The following SGCZ variants were observed in gnomAD, a reference collection of about 807,000 sequenced individuals.
SGCZ encodes zeta-sarcoglycan.
SGCZ carries 40 observed loss-of-function variants against 41.3 expected under a neutral mutation model. That is an observed-to-expected ratio of 0.97 (90% confidence interval 0.75 to 1.26). The LOEUF is 1.26. Among genes scored for constraint, SGCZ ranks in the 50% most tolerant of loss-of-function variants. The pLI is 0.00. For synonymous variants in SGCZ, 206 were observed against 137.5 expected (o/e 1.50, Z -3.49); for missense variants, 552 against 369.8 (o/e 1.49, Z -4.04).
At position 14,261,966 on chromosome 8, in the gene SGCZ, A is replaced by T. The variant is rs1216564697; in HGVS notation, c.337-24287T>A. Among the ~76,000 whole-genome samples the T allele has an allele frequency of 2.0e-5, 3 of 152,146 alleles. No homozygotes were observed. In the East Asian group the frequency reaches 5.8e-4, roughly 29 times the overall value. ...TCTGGTTTTACTCACACGAGTTGAAAGATAATTGATTAAATTAATTTGACC... is the reference window on the plus strand; with the variant it reads ...TCTGGTTTTACTCACACGAGTTGAATGATAATTGATTAAATTAATTTGACC... On this transcript the variant is annotated intron_variant, in intron 3 of 7. Coordinates refer to ENST00000382080, the MANE Select transcript of SGCZ (RefSeq NM_139167.4).
chr8:14,904,400 G>A lies in SGCZ; in HGVS notation c.39+333185C>T, dbSNP rs1018514804. 7.9e-5 allele frequency among the ~76,000 whole-genome samples: 12 copies of A among 151,920 alleles called. No individual in the cohort carries two copies. The East Asian group carries it at 1.5e-3, about 19-fold the overall frequency. ...GATTAGACGCAGTTCAATATAGCAC[G>A]CAAAACATCTCATTATCAAAGAATA... is the stretch of plus-strand genomic sequence containing the variant. On this transcript the variant is annotated intron_variant, in intron 1 of 7. Coordinates refer to ENST00000382080, the MANE Select transcript of SGCZ (RefSeq NM_139167.4).
chr8:14,397,427 ATTTC>A (rs1284150020), intron 2 of SGCZ, among the ~76,000 whole-genome samples: 18 of 151,008 alleles, frequency 1.2e-4, no homozygotes, highest in African/African-American at 4.0e-4. Flanking sequence ...TAATGGCATA[ATTTC>A]TTTTTTTCTA....
intron 1 of SGCZ, among the ~76,000 whole-genome samples, chr8:14,802,433 T>C (rs1411134524): frequency 1.3e-5 from 2 of 152,222 alleles, no homozygotes; most frequent in Admixed American, 6.5e-5. Flanking sequence ...TAAAAAGTAA[T>C]TTTAAGCAGT....
chr8:14,924,284 T>C (rs1038089237), intron 1 of SGCZ, among the ~76,000 whole-genome samples: 1 of 152,216 alleles, frequency 6.6e-6, no homozygotes, highest in African/African-American at 2.4e-5. Flanking sequence ...TGTATAGAAA[T>C]GAAGTTTTTC....
chr8:14,995,606 G>A (rs1802189329), intron 1 of SGCZ, among the ~76,000 whole-genome samples: 1 of 152,146 alleles, frequency 6.6e-6, no homozygotes, highest in Non-Finnish European at 1.5e-5. Context: ...ATAATGCACA[G>A]GGAATGCAAT....
intron 1 of SGCZ, among the ~76,000 whole-genome samples, chr8:14,701,475 C>T (rs942680377): frequency 1.4e-4 from 21 of 151,952 alleles, no homozygotes; most frequent in Admixed American, 3.3e-4. Context: ...TCTCTTCTCA[C>T]CGTCTACTTC....
At chr8:14,719,424 G>A (rs1217131420) in intron 1 of SGCZ, among the ~76,000 whole-genome samples, 39 of 150,548 alleles carry the variant, frequency 2.6e-4, no homozygotes, top group Admixed American at 6.6e-4. Flanking sequence ...CTGAGGAATC[G>A]CCACACTGAC....
At chr8:14,810,588 G>A (rs1280976075) in intron 1 of SGCZ, among the ~76,000 whole-genome samples, 1 of 151,942 alleles carries the variant, frequency 6.6e-6, no homozygotes, top group Admixed American at 6.6e-5. Context: ...GGTATCAAAG[G>A]TGTTTTACAT....
At chr8:14,778,827 A>T (rs1319126531) in intron 1 of SGCZ, among the ~76,000 whole-genome samples, 3 of 152,226 alleles carry the variant, frequency 2.0e-5, no homozygotes, top group Non-Finnish European at 2.9e-5. Flanking sequence ...AACAATCCCA[A>T]GTGATGAAGA....
At chr8:14,257,192 T>C (rs1445193101) in intron 3 of SGCZ, among the ~76,000 whole-genome samples, 1 of 151,994 alleles carries the variant, frequency 6.6e-6, no homozygotes, top group African/African-American at 2.4e-5. Context: ...CTAGGTGTGC[T>C]GGTACACACC....
intron 1 of SGCZ, among the ~76,000 whole-genome samples, chr8:14,938,400 A>G (rs1800155150): frequency 6.6e-6 from 1 of 152,140 alleles, no homozygotes; most frequent in African/African-American, 2.4e-5. Flanking sequence ...TGCTCAGCTT[A>G]CTTAATGTGA....
intron 1 of SGCZ, among the ~76,000 whole-genome samples, chr8:14,674,980 C>G (rs917997605): frequency 1.7e-5 from 2 of 114,464 alleles, no homozygotes; most frequent in African/African-American, 7.3e-5. Context: ...CCTCTGTCGT[C>G]CAGGCTGAAG....
chr8:14,837,703 T>C (rs56703300), intron 1 of SGCZ, among the ~76,000 whole-genome samples: 3 of 152,314 alleles, frequency 2.0e-5, no homozygotes, highest in African/African-American at 7.2e-5. Context: ...TATTTATATA[T>C]TTTTTAAATT....
At chr8:14,779,960 G>T (rs1800534670) in intron 1 of SGCZ, among the ~76,000 whole-genome samples, 2 of 152,086 alleles carry the variant, frequency 1.3e-5, no homozygotes, top group Non-Finnish European at 2.9e-5. Context: ...TCCTCTGAGG[G>T]TTTCTCACGG....
intron 1 of SGCZ, among the ~76,000 whole-genome samples, chr8:15,151,662 C>T (rs985442036): frequency 2.0e-5 from 3 of 152,074 alleles, no homozygotes; most frequent in African/African-American, 7.2e-5. Flanking sequence ...TACATGTATA[C>T]ACATACATAA....
intron 2 of SGCZ, among the ~76,000 whole-genome samples, chr8:14,444,020 T>C (rs953998243): frequency 5.3e-5 from 8 of 152,138 alleles, no homozygotes; most frequent in Non-Finnish European, 1.2e-4. Flanking sequence ...CAGACGCTTC[T>C]CAAAAGAAGA....
chr8:14,498,037 T>G (rs1038027463), intron 2 of SGCZ, among the ~76,000 whole-genome samples: 13 of 152,212 alleles, frequency 8.5e-5, no homozygotes, highest in African/African-American at 3.1e-4. Context: ...TATCACATTT[T>G]ATTCATGCAC....
At chr8:14,742,661 T>C (rs535724909) in intron 1 of SGCZ, among the ~76,000 whole-genome samples, 5 of 152,066 alleles carry the variant, frequency 3.3e-5, no homozygotes, top group African/African-American at 4.8e-5. Context: ...GCAAAAATTA[T>C]AGTACATAAA....
chr8:14,882,315 A>T (rs1160256786), intron 1 of SGCZ, among the ~76,000 whole-genome samples: 1 of 151,998 alleles, frequency 6.6e-6, no homozygotes, highest in East Asian at 1.9e-4. Flanking sequence ...CACAGACTAT[A>T]AATTATATGC....
Sources: gnomAD v4.1 joint callset for allele counts (sites outside exome capture counted in the v4.1 genomes callset) on GRCh38, gnomAD v4.1.1 for gene constraint, MANE v1.5 for transcripts, NCBI Gene and HGNC (gene_info 2026-07-23, HGNC 2026-07-21) for gene names.